Variants in SEC14L1 observed in about 807,000 individuals in gnomAD.
SEC14L1 encodes the protein SEC14 like lipid binding 1.
A neutral mutation model predicts 85.3 loss-of-function variants in SEC14L1; 48 were observed. That is an observed-to-expected ratio of 0.56 (90% CI 0.45 to 0.72). The LOEUF (loss-of-function observed/expected upper bound fraction) is 0.72. Ranked by LOEUF, SEC14L1 falls within the 30% of genes least tolerant of loss-of-function variation. SEC14L1 has a pLI of 0.00. For missense variants in SEC14L1, 682 were observed against 921.4 expected (o/e 0.74, Z 3.36); for synonymous variants, 391 against 355.5 (o/e 1.10, Z -1.12).
intron 3 of SEC14L1, among the ~76,000 whole-genome samples, chr17:77,113,826 G>A (rs1972104654): frequency 6.6e-6 from 1 of 152,182 alleles, no homozygotes; most frequent in Admixed American, 6.5e-5. Context: ...AGACACTGCT[G>A]GGGTGAAGAA....
chr17:77,148,862 G>T (rs977539282), intron 3 of SEC14L1, among the ~76,000 whole-genome samples: 1 of 152,158 alleles, frequency 6.6e-6, no homozygotes, highest in Non-Finnish European at 1.5e-5. Context: ...GCTTTTTTCG[G>T]CAAGGCCATT....
At chr17:77,204,730 C>T (rs1376158302) in intron 10 of SEC14L1, among the ~76,000 whole-genome samples, 2 of 151,916 alleles carry the variant, frequency 1.3e-5, no homozygotes, top group Non-Finnish European at 2.9e-5. Flanking sequence ...TGTTGGCATT[C>T]CCTTGTGTAT....
rs1977040261 is a variant in SEC14L1, at chr17:77,216,019, CGTAGGTAGGGCTA to C, written c.*2007_*2019del. ...GTAGGTAGGGTTCGTAGGTAGGGTT[CGTAGGTAGGGCTA>C]GTAGGTAGGGTTAGTAGGTAGGGCT... On this transcript the variant is annotated 3_prime_UTR_variant, in exon 17 of 17. Transcript: ENST00000436233. 3.5e-6 allele frequency: 3 copies of C among 859,420 alleles called. No homozygotes were observed. The Admixed American group carries it at 5.1e-4, about 145-fold the overall frequency. 53.2% of individuals were successfully genotyped at this position (859,420 alleles called of 1,614,324 possible).
chr17:77,203,373 C>G (rs943692187), intron 9 of SEC14L1, among the ~76,000 whole-genome samples, 197 bp from the exon 10 acceptor site: 1 of 152,180 alleles, frequency 6.6e-6, no homozygotes, highest in Non-Finnish European at 1.5e-5. Context: ...TTATTTTTCT[C>G]GCTTACAGCT....
chr17:77,164,763 C>G (rs1974213615), intron 3 of SEC14L1, among the ~76,000 whole-genome samples: 1 of 152,114 alleles, frequency 6.6e-6, no homozygotes. Flanking sequence ...GCTAGGAAAG[C>G]TGAGCTTAAA....
chr17:77,096,980 C>T (rs1396813178), intron 3 of SEC14L1, among the ~76,000 whole-genome samples: 5 of 152,158 alleles, frequency 3.3e-5, no homozygotes. Context: ...TAAGTGCTTT[C>T]CTTGGAAGCG....
chr17:77,211,115 G>A (rs1189216795), intron 14 of SEC14L1: 2 of 152,362 alleles, frequency 1.3e-5, no homozygotes, highest in Non-Finnish European at 2.9e-5. Flanking sequence ...TTCTGAAGTG[G>A]CGTTTCAGTG....
chr17:77,089,295 T>C (rs766390206), intron 2 of SEC14L1: 2 of 451,544 alleles, frequency 4.4e-6, no homozygotes, highest in South Asian at 3.2e-5. Flanking sequence ...GGTGACAAAG[T>C]GTTCAGGTCA....
chr17:77,144,072 G>T (rs1376254059), intron 3 of SEC14L1, among the ~76,000 whole-genome samples: 1 of 152,138 alleles, frequency 6.6e-6, no homozygotes, highest in Non-Finnish European at 1.5e-5. Context: ...ACTGAGCACT[G>T]TGCGATGGAG....
chr17:77,108,170 T>C (rs1200599540), intron 3 of SEC14L1, among the ~76,000 whole-genome samples: 1 of 152,108 alleles, frequency 6.6e-6, no homozygotes, highest in Non-Finnish European at 1.5e-5. Context: ...TGGGCGAGTG[T>C]GCAGTGCTGC....
At chr17:77,171,687 G>C (rs1471562519) in intron 3 of SEC14L1, among the ~76,000 whole-genome samples, 1 of 152,222 alleles carries the variant, frequency 6.6e-6, no homozygotes, top group Non-Finnish European at 1.5e-5. Flanking sequence ...TGGTTTTGCA[G>C]AAATTTTAAG....
At chr17:77,110,352 A>G (rs1972018862) in intron 3 of SEC14L1, among the ~76,000 whole-genome samples, 1 of 152,184 alleles carries the variant, frequency 6.6e-6, no homozygotes, top group East Asian at 1.9e-4. Context: ...TCTTGCAGCC[A>G]TCAGTTATGG....
upstream of SEC14L1, among the ~76,000 whole-genome samples, chr17:77,136,240 CTTCCTCT>C (rs1186407882): frequency 2.7e-5 from 4 of 148,874 alleles, no homozygotes; most frequent in African/African-American, 9.9e-5. Context: ...TCTTTCCTTC[CTTCCTCT>C]TTCCTTTCTT....
chr17:77,136,824 A>G (rs184339083), upstream of SEC14L1, among the ~76,000 whole-genome samples: 305 of 152,326 alleles, frequency 2.0e-3, no homozygotes, highest in Non-Finnish European at 3.6e-3. Context: ...TCGAATTGCT[A>G]TAAAGAAATA....
chr17:77,147,112 C>T (rs549286138), intron 3 of SEC14L1, among the ~76,000 whole-genome samples: 9 of 152,314 alleles, frequency 5.9e-5, no homozygotes, highest in Middle Eastern at 3.4e-3. Flanking sequence ...CGGCAGTGCC[C>T]GGCACGCAGT....
chr17:77,202,121 A>G (rs1249970760), intron 9 of SEC14L1, among the ~76,000 whole-genome samples: 4 of 151,632 alleles, frequency 2.6e-5, no homozygotes, highest in Admixed American at 2.6e-4. Context: ...TAGATGGCCC[A>G]TGATGATAGG....
chr17:77,099,635 T>C (rs2143307333), intron 3 of SEC14L1, among the ~76,000 whole-genome samples: 1 of 152,280 alleles, frequency 6.6e-6, no homozygotes, highest in East Asian at 1.9e-4. Context: ...CACACTCCTG[T>C]AATGCCAGCT....
upstream of SEC14L1, among the ~76,000 whole-genome samples, chr17:77,136,157 G>A (rs1483149578): frequency 6.6e-6 from 1 of 151,930 alleles, no homozygotes; most frequent in African/African-American, 2.4e-5. Flanking sequence ...TTACAGGCGT[G>A]AGCCACTGCG....
At chr17:77,202,407 T>A (rs1180631149) in intron 9 of SEC14L1, among the ~76,000 whole-genome samples, 1 of 151,942 alleles carries the variant, frequency 6.6e-6, no homozygotes. Flanking sequence ...TCACCTGAGA[T>A]CAGGAGTTCA....
Sources: gnomAD v4.1 joint callset for allele counts (sites outside exome capture counted in the v4.1 genomes callset) on GRCh38, gnomAD v4.1.1 for gene constraint, MANE v1.5 for transcripts, NCBI Gene and HGNC (gene_info 2026-07-23, HGNC 2026-07-21) for gene names.